CIB3: variants seen among roughly 807,000 people sequenced by gnomAD.
CIB3 encodes the protein calcium and integrin-binding family member 3.
Under a neutral mutation model 23.4 loss-of-function variants are expected in CIB3, and 22 were observed. The observed-to-expected ratio is 0.94, with a 90% CI of 0.67 to 1.34. The LOEUF (loss-of-function observed/expected upper bound fraction) is 1.34, where lower values mean the gene tolerates loss of function less well. Ranked by LOEUF, CIB3 falls within the 40% of genes most tolerant of loss-of-function variation. The pLI, the probability that CIB3 is intolerant of heterozygous loss-of-function variation, is 0.00. For missense variants in CIB3, 258 were observed against 247.3 expected, an observed-to-expected ratio of 1.04 and a Z score of -0.29; for synonymous variants, 93 against 95.8, an observed-to-expected ratio of 0.97 and a Z score of 0.17.
chr19:16,168,786 A>G (rs1270933938), intron 3 of CIB3, among the ~76,000 whole-genome samples: 1 of 152,124 alleles, frequency 6.6e-6, no homozygotes, highest in Admixed American at 6.6e-5. Flanking sequence ...TGAGCACATC[A>G]TCAGAGGCCC....
chr19:16,162,092 C>T (rs559704670), intron 5 of CIB3, among the ~76,000 whole-genome samples: 2 of 151,954 alleles, frequency 1.3e-5, no homozygotes, highest in Non-Finnish European at 2.9e-5. Flanking sequence ...CTGATCTGCT[C>T]ATCATACATT....
chr19:16,162,788 T>C (rs754040626), intron 5 of CIB3, among the ~76,000 whole-genome samples: 1 of 151,002 alleles, frequency 6.6e-6, no homozygotes, highest in Admixed American at 6.6e-5. Flanking sequence ...AATTAATTAA[T>C]AAAATAAAAC....
intron 2 of CIB3, 52 bp downstream of exon 2, chr19:16,173,110 T>C: frequency 6.3e-7 from 1 of 1,599,542 alleles, no homozygotes; most frequent in Non-Finnish European, 8.5e-7. Flanking sequence ...CCTCCAGCAA[T>C]GAATAGAAAG....
chr19:16,168,415 T>C (rs1292331925), intron 3 of CIB3, 131 bp from the exon 4 acceptor site: 6 of 1,308,246 alleles, frequency 4.6e-6, no homozygotes, highest in Admixed American at 2.5e-5. Flanking sequence ...CTCCCTCCCA[T>C]GGTCCCTGGA....
intron 2 of CIB3, 38 bp from the exon 3 acceptor site, chr19:16,169,779 C>G: frequency 1.3e-6 from 2 of 1,538,474 alleles, no homozygotes; most frequent in Non-Finnish European, 1.8e-6. Flanking sequence ...AGACTGGGAG[C>G]AGGGAGCAGG....
chr19:16,168,085 C>G, intron 4 of CIB3, 52 bp downstream of exon 4: 14 of 1,056,106 alleles, frequency 1.3e-5, no homozygotes, highest in Non-Finnish European at 1.8e-5. Flanking sequence ...CCACCCAGTT[C>G]CCACTCCCCA....
chr19:16,168,085 C>T, intron 4 of CIB3, 52 bp downstream of exon 4: 1 of 1,056,122 alleles, frequency 9.5e-7, no homozygotes, highest in Non-Finnish European at 1.4e-6. Flanking sequence ...CCACCCAGTT[C>T]CCACTCCCCA....
At chr19:16,173,080 ACACACC>A (rs777165029) in intron 2 of CIB3, 76 bp downstream of exon 2, 5 of 1,526,014 alleles carry the variant, frequency 3.3e-6, no homozygotes, top group Non-Finnish European at 3.6e-6. Flanking sequence ...ACACACACAC[ACACACC>A]AAATTGCAAA....
Position 16,164,846 on chromosome 19 carries a change from C to G in CIB3, c.414G>C (p.Gly138=). The G allele has an allele frequency of 6.2e-7, 1 of 1,614,076 alleles. No individual in the cohort carries two copies. Among genetic ancestry groups the G allele is most frequent in the East Asian group, 2.2e-5 (1 of 44,862 alleles). Residue 138 remains glycine (G), a synonymous_variant, in exon 5 of 6, where the codon GGG becomes GGC. Transcript: ENST00000269878. The part of the protein sequence containing the change: ...LEQTVTKLTR[G]GLSAEEVSLV... The stretch of plus-strand genomic sequence containing the variant: ...GGCTCACCTCCTCGGCACTCAGCCC[C>G]CCCCGCGTCAGTTTGGTCACCGTCT...
At chr19:16,164,589 A>G in intron 5 of CIB3, 129 bp downstream of exon 5, 1 of 907,952 alleles carries the variant, frequency 1.1e-6, no homozygotes, top group Non-Finnish European at 1.7e-6. Flanking sequence ...GACTAGGGAA[A>G]TTGAGAAAGT....
At position 16,169,640 on chromosome 19, in the gene CIB3, G is replaced by T. The variant is rs2091319644; in HGVS notation, c.188C>A (p.Pro63His). 2 of 1,613,190 alleles carry T rather than the reference G, an allele frequency of 1.2e-6. No individual in the cohort carries two copies. Among genetic ancestry groups the T allele is most frequent in the Non-Finnish European group, 1.7e-6 (2 of 1,179,482 alleles). Residue 63 changes from proline (P) to histidine (H), a missense_variant, in exon 3 of 6, where the codon CCC becomes CAC. Physicochemically the swap from Pro to His is moderately conservative, Grantham distance 77. Transcript: ENST00000269878. ...ATGGCCTGGGCATACCTTCAGCTCGGGCATGCTGCCAATGAGCTCGTAGGG... is the reference window on the plus strand; with the variant it reads ...ATGGCCTGGGCATACCTTCAGCTCGTGCATGCTGCCAATGAGCTCGTAGGG... ...KVPYELIGSMPELKDNPFRQR... is the reference protein window; with the variant it reads ...KVPYELIGSMHELKDNPFRQR...
chr19:16,168,128 C>T lies in CIB3; in HGVS notation c.346+9G>A, dbSNP rs371582358. On this transcript the variant is annotated intron_variant, in intron 4 of 5. Coordinates refer to ENST00000269878, the MANE Select transcript of CIB3 (RefSeq NM_054113.4). ...CCCATGCTTCCCAACCCCAGGGCCA[C>T]GCACGCACCATAAATTTTAAAAGCA... The T allele has an allele frequency of 6.9e-5, 110 of 1,600,802 alleles. No individual in the cohort carries two copies. The highest frequency in any genetic ancestry group is 8.6e-5 in the Non-Finnish European group (101 of 1,173,718).
rs1313430711 is a variant in CIB3, at chr19:16,164,821, G to A, written c.439C>T (p.Leu147=). The change falls in exon 5 of 6, where the codon CTG becomes TTG. Residue 147 remains leucine, a synonymous_variant. Coordinates refer to ENST00000269878, the MANE Select transcript of CIB3 (RefSeq NM_054113.4). ...TCATCCAGCACCTTCTCACATACCA[G>A]GCTCACCTCCTCGGCACTCAGCCCC... ...RGGLSAEEVS[L]VCEKVLDEAD... is the part of the protein sequence containing the mutation. 2 of 1,613,836 alleles carry A rather than the reference G, an allele frequency of 1.2e-6. No individual in the cohort carries two copies. Among genetic ancestry groups the A allele is most frequent in the Non-Finnish European group, 1.7e-6 (2 of 1,180,004 alleles).
intron 5 of CIB3, among the ~76,000 whole-genome samples, chr19:16,162,625 G>A (rs973288788): frequency 3.7e-4 from 56 of 151,798 alleles, no homozygotes; most frequent in African/African-American, 1.3e-3. Context: ...GTGGTGGCGG[G>A]CGCCTGTAAT....
chr19:16,164,729 T>G lies in CIB3; in HGVS notation c.531A>C (p.Pro177=). 6.2e-7 allele frequency: 1 copy of G among 1,613,852 alleles called. No homozygotes were observed. Among genetic ancestry groups the G allele is most frequent in the East Asian group, 2.2e-5 (1 of 44,866 alleles). ...ACGGAGAGCATCACCTGAGGAAGTC[T>G]GGTGCCCGGAGGATCATGTTCTGGA... ...EDFQNMILRA[P]DFLSTFHIRI The change falls in exon 5 of 6, where the codon CCA becomes CCC. Residue 177 remains proline, a synonymous_variant. Coordinates refer to ENST00000269878, the MANE Select transcript of CIB3 (RefSeq NM_054113.4).
chr19:16,172,930 C>T (rs1234283377), intron 2 of CIB3, among the ~76,000 whole-genome samples: 3 of 142,038 alleles, frequency 2.1e-5, no homozygotes, highest in African/African-American at 8.1e-5. Context: ...CCAGCCCAGG[C>T]AATAGAGACA....
intron 5 of CIB3, among the ~76,000 whole-genome samples, chr19:16,162,160 AC>A (rs1457244742): frequency 6.7e-6 from 1 of 148,970 alleles, no homozygotes; most frequent in East Asian, 2.0e-4. Flanking sequence ...TAATCTCAGG[AC>A]TTTGGGAGGC....
In CIB3 at chr19:16,169,695, C is replaced by T; in HGVS notation, c.133G>A (p.Asp45Asn). 1.2e-6 allele frequency: 2 copies of T among 1,613,356 alleles called. No individual in the cohort carries two copies. The highest frequency in any genetic ancestry group is 8.5e-7 in the Non-Finnish European group (1 of 1,179,574). Residue 45 changes from aspartate to asparagine, a missense_variant, in exon 3 of 6, where the codon GAC (aspartate) becomes AAC (asparagine). Transcript: ENST00000269878. ...QDLAPQLVPL[D>N]YTTCPDVKVP... ...TTCACATCGGGGCAGGTGGTATAGTCGAGGGGCACGAGCTGTGGGGCCAGG... is the reference window on the plus strand; with the variant it reads ...TTCACATCGGGGCAGGTGGTATAGTTGAGGGGCACGAGCTGTGGGGCCAGG...
rs187812543 is a variant in CIB3, at chr19:16,164,523, G to T, written c.542+195C>A. ...CTTGCTGAAAGAGGTGTATCCACTC[G>T]CAAGAGGTGCCCAGGGGGTCCCTAA... On this transcript the variant is annotated intron_variant, in intron 5 of 5. Coordinates refer to ENST00000269878, the MANE Select transcript of CIB3 (RefSeq NM_054113.4). 2.6e-4 allele frequency among the ~76,000 whole-genome samples: 39 copies of T among 152,226 alleles called. No individual in the cohort carries two copies. The East Asian group carries it at 6.6e-3, about 26-fold the overall frequency.
Sources: gnomAD v4.1 joint callset for allele counts (sites outside exome capture counted in the v4.1 genomes callset) on GRCh38, gnomAD v4.1.1 for gene constraint, MANE v1.5 for transcripts, NCBI Gene and HGNC (gene_info 2026-07-23, HGNC 2026-07-21) for gene names.